ZBTB20: variants seen among roughly 807,000 people sequenced by gnomAD.
ZBTB20 encodes the protein zinc finger and BTB domain containing 20, also known as zinc finger and BTB domain-containing protein 20.
A neutral mutation model predicts 56.9 loss-of-function variants in ZBTB20; 9 were observed. The observed-to-expected ratio is 0.16, with a 90% CI of 0.10 to 0.28. The LOEUF is 0.28. Among genes scored for constraint, ZBTB20 ranks in the 10% least tolerant of loss-of-function variants. The pLI, the probability that ZBTB20 is intolerant of heterozygous loss-of-function variation, is 1.00. For synonymous variants in ZBTB20, 417 were observed against 420.7 expected (o/e 0.99, Z 0.11); for missense variants, 655 against 1,003.0 (o/e 0.65, Z 4.69).
chr3:114,790,776 T>C (rs985608552), intron 5 of ZBTB20, among the ~76,000 whole-genome samples: 1 of 139,022 alleles, frequency 7.2e-6, no homozygotes. Flanking sequence ...TAACAGTAAG[T>C]TTTTTTTTTT....
intron 6 of ZBTB20, among the ~76,000 whole-genome samples, chr3:114,657,662 T>C (rs913026107): frequency 3.3e-5 from 5 of 152,210 alleles, no homozygotes; most frequent in African/African-American, 1.2e-4. Flanking sequence ...CTGCCTGAAT[T>C]CTAACTTCTC....
At chr3:115,086,312 G>A (rs2082982672) in intron 1 of ZBTB20, among the ~76,000 whole-genome samples, 1 of 151,780 alleles carries the variant, frequency 6.6e-6, no homozygotes, top group African/African-American at 2.4e-5. Context: ...ATAGCTAAAT[G>A]CTTGTGAAAA....
chr3:114,821,306 C>T (rs2073229407), intron 4 of ZBTB20, among the ~76,000 whole-genome samples: 1 of 152,136 alleles, frequency 6.6e-6, no homozygotes, highest in African/African-American at 2.4e-5. Context: ...TGTCCAACTC[C>T]ATTCAGACAT....
intron 4 of ZBTB20, among the ~76,000 whole-genome samples, chr3:114,885,602 CA>C (rs1320117004): frequency 6.6e-6 from 1 of 151,282 alleles, no homozygotes; most frequent in Non-Finnish European, 1.5e-5. Flanking sequence ...AGATACAAGA[CA>C]AACTAAAACA....
At chr3:114,607,350 T>G (rs954913810) in intron 6 of ZBTB20, among the ~76,000 whole-genome samples, 6 of 150,284 alleles carry the variant, frequency 4.0e-5, no homozygotes, top group Admixed American at 4.0e-4. Context: ...TTGCCCAGGT[T>G]GGAGTGCAAT....
At chr3:114,806,286 C>T (rs775190400) in intron 4 of ZBTB20, among the ~76,000 whole-genome samples, 4 of 151,818 alleles carry the variant, frequency 2.6e-5, no homozygotes, top group African/African-American at 4.8e-5. Context: ...GCCATTCTAG[C>T]GGGTGTGAAG....
At chr3:114,470,178 A>T (rs1395898347) in intron 7 of ZBTB20, among the ~76,000 whole-genome samples, 1 of 152,154 alleles carries the variant, frequency 6.6e-6, no homozygotes, top group Non-Finnish European at 1.5e-5. Flanking sequence ...ACAGCTTTTT[A>T]AAAATGACAC....
In ZBTB20 at chr3:114,374,362, T is replaced by C. The variant is rs978219570; in HGVS notation, c.199+5855A>G. On this transcript the variant is annotated intron_variant, in intron 10 of 11. Coordinates refer to ENST00000675478, the MANE Select transcript of ZBTB20 (RefSeq NM_001348800.3). ...ACTTAGTTGTACCAAAGACACTCTATTACTGCTTAACTGATACGGAATTTA... is the reference window on the plus strand; with the variant it reads ...ACTTAGTTGTACCAAAGACACTCTACTACTGCTTAACTGATACGGAATTTA... Among the ~76,000 whole-genome samples, 3 of 152,344 alleles carry C rather than the reference T, an allele frequency of 2.0e-5. No individual in the cohort carries two copies. In the South Asian group the frequency reaches 6.2e-4, roughly 32 times the overall value.
intron 3 of ZBTB20, among the ~76,000 whole-genome samples, chr3:114,942,883 T>G (rs1446389832): frequency 6.9e-6 from 1 of 145,478 alleles, no homozygotes; most frequent in East Asian, 1.9e-4. Flanking sequence ...ACTTTGGAGC[T>G]GTCAGCACAG....
chr3:114,725,368 G>GCTAT (rs1253431443), intron 5 of ZBTB20, among the ~76,000 whole-genome samples: 1 of 152,118 alleles, frequency 6.6e-6, no homozygotes, highest in Non-Finnish European at 1.5e-5. Context: ...GGTCAGATTT[G>GCTAT]CTATCGACTC....
chr3:115,019,580 G>A (rs771964950), intron 2 of ZBTB20, among the ~76,000 whole-genome samples: 10 of 151,162 alleles, frequency 6.6e-5, no homozygotes, highest in Admixed American at 6.6e-5. Flanking sequence ...TACTTTATTC[G>A]TTCTTTTAGT....
chr3:114,391,282 A>C (rs2085121464), intron 7 of ZBTB20, among the ~76,000 whole-genome samples: 2 of 152,128 alleles, frequency 1.3e-5, no homozygotes. Flanking sequence ...CAAACTTCTC[A>C]GTTTGGTATT....
intron 10 of ZBTB20, among the ~76,000 whole-genome samples, chr3:114,358,826 T>C (rs1296348391): frequency 6.6e-6 from 1 of 152,198 alleles, no homozygotes; most frequent in Non-Finnish European, 1.5e-5. Context: ...TCTTTGATAT[T>C]GGAAACATAT....
rs574614427 is a variant in ZBTB20, at chr3:114,940,516, C to T, written c.-456+33850G>A. ...CTGTCATGCACCCTAATTAGACAAA[C>T]GTGTTTTCCAGGTCTATTTGAAGGA... On this transcript the variant is annotated intron_variant, in intron 3 of 11. Transcript: ENST00000675478. Among the ~76,000 whole-genome samples the T allele has an allele frequency of 6.4e-4, 93 of 145,490 alleles. 13 individuals carry two copies. Among genetic ancestry groups the T allele is most frequent in the African/African-American group, 2.0e-3 (70 of 35,450 alleles).
intron 1 of ZBTB20, among the ~76,000 whole-genome samples, chr3:115,110,406 C>A (rs1046455951): frequency 5.9e-5 from 9 of 152,054 alleles, no homozygotes; most frequent in African/African-American, 2.2e-4. Context: ...AAGCTGTAGG[C>A]TTATAGCCAT....
chr3:114,862,137 A>G (rs2075564139), intron 4 of ZBTB20, among the ~76,000 whole-genome samples: 2 of 152,228 alleles, frequency 1.3e-5, no homozygotes, highest in Non-Finnish European at 2.9e-5. Context: ...TAGTAGCAAT[A>G]ATAGTTCTGT....
chr3:114,384,145 TCTCA>T (rs2084783226), intron 8 of ZBTB20, among the ~76,000 whole-genome samples: 1 of 151,740 alleles, frequency 6.6e-6, no homozygotes, highest in Admixed American at 6.6e-5. Context: ...TCTCTCTCTC[TCTCA>T]TTTTCTCTCT....
At chr3:114,977,827 T>C (rs909939429) in intron 2 of ZBTB20, among the ~76,000 whole-genome samples, 3 of 151,918 alleles carry the variant, frequency 2.0e-5, no homozygotes, top group Non-Finnish European at 2.9e-5. Context: ...CTGGGCAACA[T>C]GGTGAAACCC....
intron 3 of ZBTB20, among the ~76,000 whole-genome samples, chr3:114,931,880 A>C (rs1157040970): frequency 6.6e-6 from 1 of 152,202 alleles, no homozygotes; most frequent in East Asian, 1.9e-4. Context: ...AAATAATACA[A>C]AAACTTTAAA....
Sources: gnomAD v4.1 joint callset for allele counts (sites outside exome capture counted in the v4.1 genomes callset) on GRCh38, gnomAD v4.1.1 for gene constraint, MANE v1.5 for transcripts, NCBI Gene and HGNC (gene_info 2026-07-23, HGNC 2026-07-21) for gene names.